The following PTPN14 variants were observed in gnomAD, a reference collection of about 807,000 sequenced individuals.
PTPN14 encodes the protein tyrosine-protein phosphatase non-receptor type 14.
A neutral mutation model predicts 126.8 loss-of-function variants in PTPN14; 53 were observed. That is an observed-to-expected ratio of 0.42 (90% CI 0.34 to 0.53). PTPN14 has a LOEUF of 0.53. Ranked by LOEUF, PTPN14 falls within the 20% of genes least tolerant of loss-of-function variation. The probability of loss-of-function intolerance (pLI) is 0.08; values close to 1 mark genes in which losing one functional copy is unlikely to be tolerated. For synonymous variants in PTPN14, 630 were observed against 599.3 expected (o/e 1.05, Z -0.75); for missense variants, 1,257 against 1,552.9 (o/e 0.81, Z 3.20).
chr1:214,384,434 G>A lies in PTPN14; in HGVS notation c.1421C>T (p.Thr474Ile). Residue 474 changes from threonine to isoleucine, a missense_variant, in exon 13 of 19, where the codon ACC (threonine) becomes ATC (isoleucine). This residue lies in a region of PTPN14 where 1,021 missense variants were observed against 1,183.3 expected (regional missense o/e 0.86). Transcript: ENST00000366956. This position sits in a 1 kb window ranked among gnomAD's most constrained non-coding sequence, Gnocchi z 5.3. ...QSLRNLNIIN[T>I]HAYNQPEDLV... is the part of the protein sequence containing the mutation. ...ATCCTCTGGCTGGTTGTAGGCATGGGTGTTGATAATGTTGAGGTTTCTCAG... is the reference window on the plus strand; with the variant it reads ...ATCCTCTGGCTGGTTGTAGGCATGGATGTTGATAATGTTGAGGTTTCTCAG... The A allele has an allele frequency of 3.1e-6, 5 of 1,614,156 alleles. No homozygotes were observed. The highest frequency in any genetic ancestry group is 4.2e-6 in the Non-Finnish European group (5 of 1,180,034).
chr1:214,403,572 T>C (rs1247055411), intron 5 of PTPN14, among the ~76,000 whole-genome samples: 2 of 152,196 alleles, frequency 1.3e-5, no homozygotes, highest in East Asian at 3.9e-4. Flanking sequence ...ACCTGTGATG[T>C]GCTGACTACT....
chr1:214,382,887 G>T (rs1404770199), intron 13 of PTPN14, among the ~76,000 whole-genome samples: 2 of 152,218 alleles, frequency 1.3e-5, no homozygotes, highest in African/African-American at 2.4e-5. Flanking sequence ...GACAATACTG[G>T]TGAGTCTTGA....
At chr1:214,485,734 T>C (rs1661095576) in intron 1 of PTPN14, among the ~76,000 whole-genome samples, 2 of 152,032 alleles carry the variant, frequency 1.3e-5, no homozygotes, top group South Asian at 2.1e-4. Flanking sequence ...ATATTTCTTT[T>C]TTTTTTTTTG....
chr1:214,363,062 G>A (rs1657993265), intron 18 of PTPN14, among the ~76,000 whole-genome samples: 1 of 152,144 alleles, frequency 6.6e-6, no homozygotes, highest in Admixed American at 6.5e-5. Flanking sequence ...TAGTAGTGAT[G>A]GGAATAGAGA....
intron 1 of PTPN14, among the ~76,000 whole-genome samples, chr1:214,542,151 G>A (rs1571659826): frequency 6.7e-6 from 1 of 150,192 alleles, no homozygotes; most frequent in East Asian, 2.7e-4. Context: ...CACACATATA[G>A]TATGTATGTT....
intron 3 of PTPN14, among the ~76,000 whole-genome samples, chr1:214,436,507 A>C (rs1338566812): frequency 6.6e-6 from 1 of 152,208 alleles, no homozygotes. Context: ...TTGGTTAAAG[A>C]CAGTTAGGGC....
intron 17 of PTPN14, among the ~76,000 whole-genome samples, chr1:214,366,789 G>A (rs756511044): frequency 1.2e-4 from 18 of 151,980 alleles, no homozygotes; most frequent in African/African-American, 3.6e-4. Context: ...GGCGGATCAC[G>A]AGGTCAGGAG....
intron 1 of PTPN14, among the ~76,000 whole-genome samples, chr1:214,487,973 G>A (rs1216807923): frequency 2.6e-5 from 4 of 152,210 alleles, no homozygotes; most frequent in African/African-American, 9.6e-5. Context: ...ATGTTAGCAA[G>A]AGCAGACAGA....
intron 1 of PTPN14, among the ~76,000 whole-genome samples, chr1:214,523,851 T>TTTC (rs1655322463): frequency 1.7e-5 from 1 of 60,330 alleles, no homozygotes; most frequent in Admixed American, 1.5e-4. Flanking sequence ...AATCAGATTC[T>TTTC]TTTTTTTTTT....
intron 1 of PTPN14, among the ~76,000 whole-genome samples, chr1:214,482,580 A>AAAG (rs1661016839): frequency 7.7e-4 from 1 of 1,302 alleles, no homozygotes; most frequent in South Asian, 0.015. Context: ...TTTAGAAAAG[A>AAAG]AAAAAAAAAA....
intron 2 of PTPN14, among the ~76,000 whole-genome samples, chr1:214,452,197 A>G (rs1660287270): frequency 1.3e-5 from 2 of 152,188 alleles, no homozygotes; most frequent in African/African-American, 4.8e-5. Context: ...ACTCATTACT[A>G]CTGTTTGTGC....
chr1:214,458,869 T>G (rs1428593888), intron 2 of PTPN14, among the ~76,000 whole-genome samples: 1 of 152,136 alleles, frequency 6.6e-6, no homozygotes, highest in Non-Finnish European at 1.5e-5. Context: ...CATTTACACA[T>G]CCATGCTCCA....
chr1:214,514,402 C>G (rs1218182147), intron 1 of PTPN14, among the ~76,000 whole-genome samples: 1 of 152,150 alleles, frequency 6.6e-6, no homozygotes, highest in African/African-American at 2.4e-5. Flanking sequence ...CCCGTAGATG[C>G]AGCATTTGAG....
chr1:214,463,630 T>C (rs561490448), intron 2 of PTPN14, among the ~76,000 whole-genome samples: 1 of 152,328 alleles, frequency 6.6e-6, no homozygotes, highest in South Asian at 2.1e-4. Flanking sequence ...CATTCCTTTG[T>C]AAGCAGGTGG....
intron 18 of PTPN14, among the ~76,000 whole-genome samples, chr1:214,359,533 A>G (rs1657907442): frequency 6.6e-6 from 1 of 150,570 alleles, no homozygotes; most frequent in Non-Finnish European, 1.5e-5. Flanking sequence ...GAGAACACCT[A>G]TTTTGAGACA....
rs1660603970 is a variant in PTPN14 at position 214,465,083 on chromosome 1, T to G, written c.-154-126A>C. 4 of 397,574 alleles carry G rather than the reference T, an allele frequency of 1.0e-5. No individual in the cohort carries two copies. The South Asian group carries it at 1.6e-4, about 16-fold the overall frequency. 24.6% of individuals were successfully genotyped at this position (397,574 alleles called of 1,614,324 possible). ...CAAACAGATCAACACTCAGGTTTGATAAGCTGCAAGTTCTGGAGTTCCTAA... is the reference window on the plus strand; with the variant it reads ...CAAACAGATCAACACTCAGGTTTGAGAAGCTGCAAGTTCTGGAGTTCCTAA... On this transcript the variant is annotated intron_variant, in intron 1 of 18. Coordinates refer to ENST00000366956, the MANE Select transcript of PTPN14 (RefSeq NM_005401.5).
At chr1:214,401,580 A>G (rs1048807563) in intron 7 of PTPN14, 105 bp downstream of exon 7, 7 of 1,005,426 alleles carry the variant, frequency 7.0e-6, no homozygotes, top group African/African-American at 3.3e-5. Flanking sequence ...GCTGCATAGC[A>G]AAAAGAAGGC....
chr1:214,361,007 T>C (rs1657943563), intron 18 of PTPN14, among the ~76,000 whole-genome samples: 1 of 152,190 alleles, frequency 6.6e-6, no homozygotes, highest in Non-Finnish European at 1.5e-5. Flanking sequence ...TGTGAAGACG[T>C]GCTTAATTCC....
chr1:214,414,818 T>C, intron 3 of PTPN14, 92 bp from the exon 4 acceptor site: 2 of 1,010,296 alleles, frequency 2.0e-6, no homozygotes, highest in Non-Finnish European at 3.1e-6. Context: ...TAAAACCTTG[T>C]GTACACAGCA....
Sources: allele counts gnomAD v4.1 joint callset (sites outside exome capture counted in the v4.1 genomes callset), GRCh38; gene constraint gnomAD v4.1.1; regional missense constraint gnomAD v4.1.1; non-coding constraint Gnocchi (gnomAD v3.1); transcripts MANE v1.5; gene names NCBI Gene and HGNC (gene_info 2026-07-23, HGNC 2026-07-21).